PATL2: variants seen among roughly 807,000 people sequenced by gnomAD.
PATL2 encodes protein PAT1 homolog 2.
Under a neutral mutation model 77.0 loss-of-function variants are expected in PATL2, and 73 were observed. The observed-to-expected ratio is 0.95, with a 90% CI of 0.78 to 1.15. The LOEUF is 1.15. Ranked by LOEUF, PATL2 falls within the 50% of genes most tolerant of loss-of-function variation. PATL2 has a pLI of 0.00. For missense variants in PATL2, 618 were observed against 655.4 expected (o/e 0.94, Z 0.62); for synonymous variants, 265 against 257.1 (o/e 1.03, Z -0.29).
chr15:44,705,273 C>G (rs971341047), intron 3 of PATL2, among the ~76,000 whole-genome samples: 1 of 152,120 alleles, frequency 6.6e-6, no homozygotes, highest in Non-Finnish European at 1.5e-5. Flanking sequence ...GCCTCCACTT[C>G]CCAGGTTCAA....
At position 44,678,442 on chromosome 15, in the gene PATL2, T is replaced by C. The variant is rs535305952; in HGVS notation, c.-75-1877A>G. Among the ~76,000 whole-genome samples the C allele has an allele frequency of 6.6e-5, 10 of 152,316 alleles. 1 individual carries two copies. The South Asian group carries it at 2.1e-3, about 32-fold the overall frequency. ...GAGTTTCACTTGGGACCTACTGTTT[T>C]TTATGAAGGTCCCCTACCCTTATCT... On this transcript the variant is annotated intron_variant, in intron 3 of 17. Transcript: ENST00000682850.
chr15:44,680,314 C>T (rs1207307780), intron 3 of PATL2, among the ~76,000 whole-genome samples: 1 of 152,164 alleles, frequency 6.6e-6, no homozygotes, highest in Non-Finnish European at 1.5e-5. Context: ...TCCCATACAT[C>T]CCTCATCAGT....
At position 44,669,078 on chromosome 15, in the gene PATL2, G is replaced by A. The variant is rs1008427784; in HGVS notation, c.1126C>T (p.Arg376Trp). ...TCCTGGGGCAGGAAGGGGAGCAGCCGGGCCACCAGGGCCTTCCCCTTCCTC... is the reference window on the plus strand; with the variant it reads ...TCCTGGGGCAGGAAGGGGAGCAGCCAGGCCACCAGGGCCTTCCCCTTCCTC... ...SVRKGKALVA[R>W]LLPFLPQDQA... The change falls in exon 14 of 18, where the codon CGG (arginine) becomes TGG (tryptophan). Residue 376 changes from arginine to tryptophan, a missense_variant. By Grantham distance (101) the Arg-to-Trp change is moderately radical. Coordinates refer to ENST00000682850, the MANE Select transcript of PATL2 (RefSeq NM_001387263.1). 1.5e-5 allele frequency: 23 copies of A among 1,550,632 alleles called. No homozygotes were observed. The highest frequency in any genetic ancestry group is 5.9e-5 in the Admixed American group (3 of 50,822).
In PATL2 at chr15:44,666,505, G is replaced by C; in HGVS notation, c.1500C>G (p.Ala500=). Reference sequence around the variant, plus strand: ...CTGCCAGAGAGGCTGTAGGCATTTGGGCTATCTCCCAGGCAATCAGAACCA... The same window carrying C: ...CTGCCAGAGAGGCTGTAGGCATTTGCGCTATCTCCCAGGCAATCAGAACCA... ...DMVVLIAWEI[A]QMPTASLAEP... is the part of the protein sequence containing the mutation. Residue 500 remains alanine (A), a synonymous_variant, in exon 17 of 18, where the codon GCC becomes GCG. Transcript: ENST00000682850. The C allele has an allele frequency of 1.3e-6, 2 of 1,551,358 alleles. No homozygotes were observed. The highest frequency in any genetic ancestry group is 1.7e-4 in the Middle Eastern group (1 of 5,974).
chr15:44,666,074 G>C (rs1436270988), intron 17 of PATL2, 103 bp from the exon 18 acceptor site: 1 of 1,091,770 alleles, frequency 9.2e-7, no homozygotes, highest in African/African-American at 1.6e-5. Context: ...TCTGAGGACA[G>C]AGATGACCAT....
At chr15:44,671,404 A>G (rs1039272584) in intron 9 of PATL2, among the ~76,000 whole-genome samples, 82 of 152,046 alleles carry the variant, frequency 5.4e-4, no homozygotes, top group Non-Finnish European at 8.4e-4. Flanking sequence ...CAGGAGAATC[A>G]CCTGAACCCT....
At position 44,705,315 on chromosome 15, in the gene PATL2, C is replaced by T. The variant is rs1056186036; in HGVS notation, c.-76+4781G>A. ...CTCCTGCCTCAGCCTCCAGAGTAGC[C>T]GGGATTAAAGGCGCCTGCTGCCACG... On this transcript the variant is annotated intron_variant, in intron 3 of 17. Coordinates refer to ENST00000682850, the MANE Select transcript of PATL2 (RefSeq NM_001387263.1). Among the ~76,000 whole-genome samples the T allele has an allele frequency of 9.9e-5, 15 of 151,726 alleles. No homozygotes were observed. In the East Asian group the frequency reaches 2.0e-3, roughly 20 times the overall value.
chr15:44,667,366 C>G (rs2085430054), intron 15 of PATL2, 163 bp from the exon 16 acceptor site: 1 of 594,752 alleles, frequency 1.7e-6, no homozygotes, highest in Non-Finnish European at 3.0e-6. Context: ...AGCCAAAGAA[C>G]TCTCTAACCC....
chr15:44,706,189 A>G (rs533907459), intron 3 of PATL2, among the ~76,000 whole-genome samples: 11 of 152,244 alleles, frequency 7.2e-5, no homozygotes, highest in Non-Finnish European at 1.6e-4. Context: ...TGATGAGGTC[A>G]TGTTTTCCTG....
intron 4 of PATL2, chr15:44,676,194 G>T (rs1429533682): frequency 4.3e-6 from 2 of 460,932 alleles, no homozygotes; most frequent in Non-Finnish European, 8.0e-6. Flanking sequence ...CTGACTCACT[G>T]CAATTTAACC....
intron 3 of PATL2, among the ~76,000 whole-genome samples, chr15:44,678,673 G>C (rs1191953234): frequency 9.2e-5 from 14 of 152,064 alleles, no homozygotes; most frequent in Admixed American, 9.2e-4. Flanking sequence ...AAAGACATTA[G>C]AGTGGCTCAT....
Position 44,665,847 on chromosome 15 carries a change from G to A in PATL2, c.*106C>T, listed in dbSNP as rs1207803439. 1.9e-6 allele frequency: 3 copies of A among 1,546,262 alleles called. No homozygotes were observed. The highest frequency in any genetic ancestry group is 1.4e-5 in the African/African-American group (1 of 72,690). ...GGGGAAGGGTTCTCCAATATATAAA[G>A]GCATAAGAAATGTCTTCAGACTCTC... On this transcript the variant is annotated 3_prime_UTR_variant, in exon 18 of 18. Transcript: ENST00000682850.
chr15:44,680,486 C>A (rs559945852), intron 3 of PATL2, among the ~76,000 whole-genome samples: 5 of 152,178 alleles, frequency 3.3e-5, no homozygotes, highest in African/African-American at 1.2e-4. Flanking sequence ...GCCACAGGCC[C>A]CCCACCTTGC....
At chr15:44,671,185 G>A (rs563543492) in intron 9 of PATL2, among the ~76,000 whole-genome samples, 1 of 152,254 alleles carries the variant, frequency 6.6e-6, no homozygotes, top group Non-Finnish European at 1.5e-5. Flanking sequence ...GCTCCCAGAT[G>A]TTGAGGTGAA....
At chr15:44,708,569 G>A (rs1410847206) in intron 3 of PATL2, among the ~76,000 whole-genome samples, 1 of 152,204 alleles carries the variant, frequency 6.6e-6, no homozygotes, top group East Asian at 1.9e-4. Flanking sequence ...TATAGTATAT[G>A]TTCTTTTCTG....
Position 44,668,393 on chromosome 15 carries a change from C to G in PATL2, c.1314G>C (p.Leu438=), listed in dbSNP as rs1423268079. The G allele has an allele frequency of 1.9e-6, 3 of 1,551,254 alleles. No individual in the cohort carries two copies. The highest frequency in any genetic ancestry group is 2.6e-6 in the Non-Finnish European group (3 of 1,146,970). ...GCCGCTCTGAGGAGCCAGGTGGCAA[C>G]AGCGTTAATCCCTGAAGTCCTTGGA... ...ELLQGLQGLT[L]LPPGSSERPV... The change falls in exon 15 of 18, where the codon CTG becomes CTC. Residue 438 remains leucine, a synonymous_variant. Transcript: ENST00000682850.
chr15:44,693,520 C>T (rs901993924), intron 3 of PATL2, among the ~76,000 whole-genome samples: 2 of 152,170 alleles, frequency 1.3e-5, no homozygotes, highest in African/African-American at 4.8e-5. Flanking sequence ...CCTGTGATTA[C>T]ACTGGGCGTA....
At chr15:44,674,476 C>A in intron 5 of PATL2, 1 of 445,954 alleles carries the variant, frequency 2.2e-6, no homozygotes, top group South Asian at 3.5e-5. Context: ...TTCCGAGACC[C>A]CCAAGGGATG....
chr15:44,675,679 G>A lies in PATL2; in HGVS notation c.29C>T (p.Thr10Ile), dbSNP rs990185986. The A allele has an allele frequency of 4.5e-6, 7 of 1,549,532 alleles. No homozygotes were observed. The highest frequency in any genetic ancestry group is 2.0e-5 in the Admixed American group (1 of 50,864). Residue 10 changes from threonine (T) to isoleucine (I), a missense_variant, in exon 5 of 18, where the codon ACC becomes ATC. Physicochemically the swap from Thr to Ile is moderately conservative, Grantham distance 89. Coordinates refer to ENST00000682850, the MANE Select transcript of PATL2 (RefSeq NM_001387263.1). MNCLEGPGK[T>I]CGPLASEEEL... is the part of the protein sequence containing the mutation. ...CTCCTCAGAAGCCAAGGGGCCACAG[G>A]TCTTACCTGGCCCTTGGTTTAAGTG...
Sources: gnomAD v4.1 joint callset for allele counts (sites outside exome capture counted in the v4.1 genomes callset) on GRCh38, gnomAD v4.1.1 for gene constraint, MANE v1.5 for transcripts, NCBI Gene and HGNC (gene_info 2026-07-23, HGNC 2026-07-21) for gene names.